Variants in NRG1 observed in about 807,000 individuals in gnomAD.
The protein encoded by NRG1 is pro-neuregulin-1, membrane-bound isoform.
A neutral mutation model predicts 63.8 loss-of-function variants in NRG1; 18 were observed. The ratio of observed to expected loss-of-function variants is 0.28; its 90% CI spans 0.19 to 0.42. NRG1 has a LOEUF of 0.42. Among genes scored for constraint, NRG1 ranks in the 10% least tolerant of loss-of-function variants. NRG1 has a pLI of 1.00. For missense variants in NRG1, 762 were observed against 814.7 expected (o/e 0.94, Z 0.79); for synonymous variants, 302 against 301.3 (o/e 1.00, Z -0.02).
intron 1 of NRG1, among the ~76,000 whole-genome samples, chr8:32,248,730 TA>T (rs889935938): frequency 2.2e-4 from 33 of 152,178 alleles, no homozygotes; most frequent in African/African-American, 7.9e-4. Context: ...AAACATTAAG[TA>T]GAAGTAATGC....
intron 1 of NRG1, among the ~76,000 whole-genome samples, chr8:32,272,159 A>T (rs925288552): frequency 1.3e-5 from 2 of 152,164 alleles, no homozygotes; most frequent in Admixed American, 6.6e-5. Flanking sequence ...TTTGTTTCCC[A>T]CCATTCTGGA....
At position 31,978,339 on chromosome 8, in the gene NRG1, ACT is replaced by A. The variant is rs1251713234; in HGVS notation, c.37+338913_37+338914del. 8.5e-5 allele frequency among the ~76,000 whole-genome samples: 13 copies of A among 152,096 alleles called. No individual in the cohort carries two copies. The South Asian group carries it at 1.9e-3, about 22-fold the overall frequency. ...TGAAGTCATAAAGTCAGGCTTCTCC[ACT>A]CTCTGTTTGATTTTTATGTGTATGT... is the stretch of plus-strand genomic sequence containing the variant. On this transcript the variant is annotated intron_variant, in intron 1 of 10. Coordinates refer to the NRG1 transcript ENST00000519301.
chr8:31,704,202 G>A (rs1244649941), intron 1 of NRG1, among the ~76,000 whole-genome samples: 1 of 152,082 alleles, frequency 6.6e-6, no homozygotes, highest in African/African-American at 2.4e-5. Context: ...ATCTAGTTTA[G>A]GAATTCTATG....
At chr8:32,160,762 G>A (rs1838735176) in intron 1 of NRG1, among the ~76,000 whole-genome samples, 1 of 152,192 alleles carries the variant, frequency 6.6e-6, no homozygotes, top group Non-Finnish European at 1.5e-5. Flanking sequence ...TTATTAAAAT[G>A]TATTAAAACC....
chr8:32,440,584 T>C (rs4129581), intron 1 of NRG1, among the ~76,000 whole-genome samples: 27,181 of 152,190 alleles, frequency 0.18, 2,620 homozygotes, highest in Non-Finnish European at 0.2. Flanking sequence ...AGTTTTTAAT[T>C]TGTGAACGTG....
intron 1 of NRG1, among the ~76,000 whole-genome samples, chr8:32,107,647 A>G (rs1044538627): frequency 1.3e-5 from 2 of 152,160 alleles, no homozygotes; most frequent in Non-Finnish European, 1.5e-5. Context: ...ATTCAGTGCT[A>G]TGTTAAAAAA....
chr8:32,473,175 A>T (rs1824062093), intron 1 of NRG1, among the ~76,000 whole-genome samples: 1 of 152,232 alleles, frequency 6.6e-6, no homozygotes, highest in African/African-American at 2.4e-5. Flanking sequence ...GTACAGTGGT[A>T]TGGAGAATGG....
chr8:32,070,669 A>G (rs1232798811), intron 1 of NRG1, among the ~76,000 whole-genome samples: 2 of 152,156 alleles, frequency 1.3e-5, no homozygotes, highest in Non-Finnish European at 2.9e-5. Flanking sequence ...TCCCATCTGT[A>G]TCACCCTAGT....
chr8:31,931,234 T>C (rs73580642), intron 1 of NRG1, among the ~76,000 whole-genome samples: 2,231 of 152,224 alleles, frequency 0.015, 45 homozygotes, highest in African/African-American at 0.051. Context: ...GAGGTGATTG[T>C]TTTTAATTGG....
At chr8:31,717,299 C>G (rs1043074960) in intron 1 of NRG1, among the ~76,000 whole-genome samples, 1 of 151,234 alleles carries the variant, frequency 6.6e-6, no homozygotes, top group African/African-American at 2.4e-5. Context: ...CCCTGCTACT[C>G]GGGAGGCTGA....
At chr8:31,750,188 AT>A (rs1816308163) in intron 1 of NRG1, among the ~76,000 whole-genome samples, 1 of 151,840 alleles carries the variant, frequency 6.6e-6, no homozygotes, top group Non-Finnish European at 1.5e-5. Context: ...AAAGAATGTA[AT>A]TCGTAAGACT....
chr8:32,101,829 C>T (rs2169586), intron 1 of NRG1, among the ~76,000 whole-genome samples: 136,180 of 152,198 alleles, frequency 0.89, 61,414 homozygotes, highest in Middle Eastern at 0.97. Flanking sequence ...CCAACTGTAC[C>T]GAGATTTTGA....
chr8:32,722,121 A>T (rs1268571762), intron 5 of NRG1: 1 of 1,187,796 alleles, frequency 8.4e-7, no homozygotes, highest in East Asian at 2.6e-5. Context: ...ATATTTTATT[A>T]AGCAAATGGC....
chr8:32,313,549 G>A (rs1050322156), intron 1 of NRG1, among the ~76,000 whole-genome samples: 5 of 152,210 alleles, frequency 3.3e-5, no homozygotes, highest in African/African-American at 1.2e-4. Context: ...CAACACTGAA[G>A]TATGAGCTTG....
chr8:32,710,668 G>A lies in NRG1; in HGVS notation c.503-17281G>A, dbSNP rs143108540. On this transcript the variant is annotated intron_variant, in intron 5 of 11. Coordinates refer to ENST00000356819, the Ensembl canonical transcript of NRG1. ...GGAAAATGATGTTAATCTGAATGAA[G>A]GTTAAATAGAATCCCTTATAACACT... 2.8e-3 allele frequency among the ~76,000 whole-genome samples: 421 copies of A among 152,170 alleles called. 3 individuals are homozygous for A. Among genetic ancestry groups the A allele is most frequent in the African/African-American group, 9.5e-3 (394 of 41,544 alleles).
chr8:32,241,145 G>A (rs1350242429), intron 1 of NRG1, among the ~76,000 whole-genome samples: 4 of 152,088 alleles, frequency 2.6e-5, no homozygotes, highest in African/African-American at 9.7e-5. Context: ...TAGGTCTGGG[G>A]GTGGTGGGTG....
intron 1 of NRG1, among the ~76,000 whole-genome samples, chr8:32,474,675 G>T (rs79524657): frequency 0.19 from 28,287 of 150,900 alleles, 2,784 homozygotes; most frequent in Admixed American, 0.2. Flanking sequence ...GTGTGTGTGT[G>T]TGTTTTTTTT....
At chr8:32,748,358 CAG>C (rs34657847) in intron 7 of NRG1, among the ~76,000 whole-genome samples, 19,913 of 121,496 alleles carry the variant, frequency 0.16, 1,531 homozygotes, top group South Asian at 0.22. Flanking sequence ...CACACACACA[CAG>C]AGAGAGAGAG....
chr8:32,470,899 G>A (rs569195368), intron 1 of NRG1, among the ~76,000 whole-genome samples: 3 of 152,038 alleles, frequency 2.0e-5, no homozygotes, highest in Admixed American at 2.0e-4. Flanking sequence ...CTGGACTCAA[G>A]CTATTTTCCC....
Sources: allele counts gnomAD v4.1 joint callset (sites outside exome capture counted in the v4.1 genomes callset), GRCh38; gene constraint gnomAD v4.1.1; transcripts MANE v1.5; gene names NCBI Gene and HGNC (gene_info 2026-07-23, HGNC 2026-07-21).